The following CTIF variants were observed in gnomAD, a reference collection of about 807,000 sequenced individuals.
The protein encoded by CTIF is cap binding complex dependent translation initiation factor.
CTIF carries 21 observed loss-of-function variants against 66.0 expected under a neutral mutation model. That is an observed-to-expected ratio of 0.32 (90% CI 0.23 to 0.46). The LOEUF (loss-of-function observed/expected upper bound fraction) is 0.46. CTIF is among the 20% of genes least tolerant of loss of function. The pLI is 1.00. For missense variants in CTIF, 739 were observed against 812.7 expected, an observed-to-expected ratio of 0.91 and a Z score of 1.10; for synonymous variants, 345 against 326.4, an observed-to-expected ratio of 1.06 and a Z score of -0.62.
At position 48,730,663 on chromosome 18, in the gene CTIF, T is replaced by C. The variant is rs112961253; in HGVS notation, c.584+18968T>C. Among the ~76,000 whole-genome samples, 66 of 119,326 alleles carry C rather than the reference T, an allele frequency of 5.5e-4. 3 individuals are homozygous for C. The highest frequency in any genetic ancestry group is 8.0e-4 in the African/African-American group (25 of 31,062). The allele number at this position is 119,326 out of a possible 152,430, so 78.3% of individuals were successfully genotyped here. A position where few individuals can be genotyped will look rare whatever the true frequency, so the allele number is the denominator to read the frequency against. On this transcript the variant is annotated intron_variant, in intron 7 of 11. Coordinates refer to ENST00000256413, the MANE Select transcript of CTIF (RefSeq NM_014772.3). ...CCTGTGGTGTGAGGGGCTTCTGCGGTGTGAGGGGCTTCTGCGGTGTGAGGA... is the reference window on the plus strand; with the variant it reads ...CCTGTGGTGTGAGGGGCTTCTGCGGCGTGAGGGGCTTCTGCGGTGTGAGGA...
intron 7 of CTIF, among the ~76,000 whole-genome samples, chr18:48,728,030 C>A (rs575896426): frequency 4.6e-5 from 7 of 152,274 alleles, no homozygotes; most frequent in Admixed American, 2.0e-4. Context: ...AACCAGGCAG[C>A]CCCTGCAGGA....
At chr18:48,620,710 T>A (rs1381763922) in intron 2 of CTIF, among the ~76,000 whole-genome samples, 2 of 152,170 alleles carry the variant, frequency 1.3e-5, no homozygotes, top group African/African-American at 4.8e-5. Flanking sequence ...GGGATCCGCC[T>A]CTCGTGCGTG....
At chr18:48,836,650 C>T (rs1568257517) in intron 10 of CTIF, among the ~76,000 whole-genome samples, 2 of 152,332 alleles carry the variant, frequency 1.3e-5, no homozygotes, top group South Asian at 4.1e-4. Context: ...GGTGGGAAGC[C>T]CCAGGAGACT....
intron 1 of CTIF, among the ~76,000 whole-genome samples, chr18:48,587,913 C>T (rs934426804): frequency 6.6e-6 from 1 of 152,178 alleles, no homozygotes; most frequent in Non-Finnish European, 1.5e-5. Flanking sequence ...CAGCCAATCG[C>T]CTTTCTCCAT....
chr18:48,601,305 G>A (rs1157662504), intron 1 of CTIF, among the ~76,000 whole-genome samples: 1 of 152,208 alleles, frequency 6.6e-6, no homozygotes, highest in East Asian at 1.9e-4. Flanking sequence ...TGAGGTAGAT[G>A]TACTGACCGC....
At chr18:48,835,044 C>T (rs1185401468) in intron 10 of CTIF, among the ~76,000 whole-genome samples, 1 of 152,248 alleles carries the variant, frequency 6.6e-6, no homozygotes, top group South Asian at 2.1e-4. Flanking sequence ...GCGTGTCAGA[C>T]TTGCGTGATT....
At chr18:48,605,795 G>A (rs778265359) in intron 1 of CTIF, among the ~76,000 whole-genome samples, 1 of 152,176 alleles carries the variant, frequency 6.6e-6, no homozygotes, top group East Asian at 1.9e-4. Flanking sequence ...TCCGGCTTCT[G>A]TTGATTGCCC....
chr18:48,754,958 A>G (rs1178593192), intron 7 of CTIF, among the ~76,000 whole-genome samples: 1 of 152,200 alleles, frequency 6.6e-6, no homozygotes, highest in African/African-American at 2.4e-5. Flanking sequence ...TTCCCCCTCC[A>G]GGTAGATAGA....
chr18:48,842,829 C>T (rs964725315), intron 10 of CTIF, among the ~76,000 whole-genome samples: 2 of 152,246 alleles, frequency 1.3e-5, no homozygotes, highest in African/African-American at 4.8e-5. Context: ...TCCACGGAGA[C>T]ACTTATCACA....
chr18:48,548,395 G>C (rs1263873766), intron 1 of CTIF, among the ~76,000 whole-genome samples: 1 of 152,232 alleles, frequency 6.6e-6, no homozygotes, highest in African/African-American at 2.4e-5. Context: ...AAACAGGCTG[G>C]TGTTTACAAG....
At chr18:48,552,966 A>G (rs561196047) in intron 1 of CTIF, among the ~76,000 whole-genome samples, 7 of 152,140 alleles carry the variant, frequency 4.6e-5, no homozygotes, top group Non-Finnish European at 8.8e-5. Context: ...AAAGTCTCTG[A>G]TCCTCTCATT....
At chr18:48,716,765 G>A (rs549480401) in intron 7 of CTIF, among the ~76,000 whole-genome samples, 3 of 152,340 alleles carry the variant, frequency 2.0e-5, no homozygotes, top group East Asian at 1.9e-4. Context: ...GGTGGCTAAT[G>A]TAGGCATTAG....
chr18:48,608,576 G>A (rs1240844722), intron 1 of CTIF, among the ~76,000 whole-genome samples: 1 of 152,200 alleles, frequency 6.6e-6, no homozygotes, highest in African/African-American at 2.4e-5. Context: ...GGTCAGGGTG[G>A]CATCTAAGAG....
chr18:48,581,103 C>G (rs2089646352), intron 1 of CTIF, among the ~76,000 whole-genome samples: 1 of 152,220 alleles, frequency 6.6e-6, no homozygotes, highest in Non-Finnish European at 1.5e-5. Context: ...CATCAGCTCT[C>G]TAATATCCCT....
At chr18:48,719,877 A>G (rs911632380) in intron 7 of CTIF, among the ~76,000 whole-genome samples, 1 of 152,212 alleles carries the variant, frequency 6.6e-6, no homozygotes, top group Non-Finnish European at 1.5e-5. Context: ...TGTGTGTTAG[A>G]TAAGCATCAC....
chr18:48,631,186 C>T (rs1043641800), intron 2 of CTIF, among the ~76,000 whole-genome samples: 4 of 152,136 alleles, frequency 2.6e-5, no homozygotes, highest in Admixed American at 6.5e-5. Flanking sequence ...AAACACTGGC[C>T]GGGTGTGGTG....
At chr18:48,571,913 G>C (rs2089424416) in intron 1 of CTIF, among the ~76,000 whole-genome samples, 1 of 152,182 alleles carries the variant, frequency 6.6e-6, no homozygotes, top group African/African-American at 2.4e-5. Context: ...GATCTGTAGG[G>C]CAGGCTGGCA....
intron 7 of CTIF, among the ~76,000 whole-genome samples, chr18:48,730,880 G>A (rs1445593642): frequency 2.0e-5 from 3 of 152,060 alleles, no homozygotes; most frequent in East Asian, 1.9e-4. Context: ...CAGTGTGAGG[G>A]GCTTCCACAG....
chr18:48,697,877 A>G (rs1218655285), intron 6 of CTIF, among the ~76,000 whole-genome samples: 1 of 151,856 alleles, frequency 6.6e-6, no homozygotes, highest in Non-Finnish European at 1.5e-5. Context: ...TGATGCAGCC[A>G]GAAATAGTGA....
Sources: gnomAD v4.1 joint callset for allele counts (sites outside exome capture counted in the v4.1 genomes callset) on GRCh38, gnomAD v4.1.1 for gene constraint, MANE v1.5 for transcripts, NCBI Gene and HGNC (gene_info 2026-07-23, HGNC 2026-07-21) for gene names.